Variants in SDK1 observed in about 807,000 individuals in gnomAD.
The protein encoded by SDK1 is protein sidekick-1.
SDK1 carries 157 observed loss-of-function variants against 245.5 expected under a neutral mutation model. The observed-to-expected ratio is 0.64, with a 90% CI of 0.56 to 0.73. SDK1 has a LOEUF of 0.73. Among genes scored for constraint, SDK1 ranks in the 30% least tolerant of loss-of-function variants. SDK1 has a pLI of 0.00. For synonymous variants in SDK1, 1,647 were observed against 1,278.5 expected (o/e 1.29, Z -6.15); for missense variants, 3,583 against 3,002.3 (o/e 1.19, Z -4.52).
At chr7:3,391,468 A>AT (rs146415900) in intron 1 of SDK1, among the ~76,000 whole-genome samples, 20,337 of 149,640 alleles carry the variant, frequency 0.14, 1,748 homozygotes, top group African/African-American at 0.25. Flanking sequence ...TTTGGAAGTG[A>AT]TTTTTTTTTT....
chr7:3,739,315 T>C lies in SDK1; in HGVS notation c.714-82135T>C, dbSNP rs991404316. On this transcript the variant is annotated intron_variant, in intron 4 of 44. Transcript: ENST00000404826. ...TTAGAGTTTTTGAGCTGCTTACATA[T>C]ACAGACCATTGTTTTATATTAAATT... 2.2e-4 allele frequency among the ~76,000 whole-genome samples: 34 copies of C among 152,322 alleles called. 1 individual carries two copies. The highest frequency in any genetic ancestry group is 2.0e-3 in the Admixed American group (31 of 15,304).
chr7:4,189,620 CG>C (rs1270507824), intron 35 of SDK1, among the ~76,000 whole-genome samples: 1 of 152,146 alleles, frequency 6.6e-6, no homozygotes, highest in Non-Finnish European at 1.5e-5. Flanking sequence ...GAGGCCAAGG[CG>C]GGTGGATTAC....
chr7:3,535,531 C>A (rs1026671932), intron 1 of SDK1, among the ~76,000 whole-genome samples: 2 of 152,068 alleles, frequency 1.3e-5, no homozygotes, highest in Non-Finnish European at 2.9e-5. Flanking sequence ...AGTAGTGTGA[C>A]CTTATGCAGG....
At position 3,428,096 on chromosome 7, in the gene SDK1, A is replaced by C. The variant is rs1779727056; in HGVS notation, c.298+126212A>C. ...GTTAATCACTGTGAGACATGGTGGCAGCACAACTATATGCTTTTCTGTCTG... is the reference window on the plus strand; with the variant it reads ...GTTAATCACTGTGAGACATGGTGGCCGCACAACTATATGCTTTTCTGTCTG... On this transcript the variant is annotated intron_variant, in intron 1 of 44. Transcript: ENST00000404826. Among the ~76,000 whole-genome samples, 3 of 152,350 alleles carry C rather than the reference A, an allele frequency of 2.0e-5. No homozygotes were observed. The South Asian group carries it at 6.2e-4, about 32-fold the overall frequency.
chr7:3,769,577 C>A (rs115470210), intron 4 of SDK1, among the ~76,000 whole-genome samples: 1 of 152,218 alleles, frequency 6.6e-6, no homozygotes, highest in African/African-American at 2.4e-5. Flanking sequence ...TTCAATATGA[C>A]TTTCGGAGGG....
chr7:3,764,786 C>T (rs1017638944), intron 4 of SDK1, among the ~76,000 whole-genome samples: 1 of 151,952 alleles, frequency 6.6e-6, no homozygotes, highest in African/African-American at 2.4e-5. Flanking sequence ...AAAAGTAATT[C>T]ATAATGAATA....
chr7:3,451,522 G>C (rs943966988), intron 1 of SDK1, among the ~76,000 whole-genome samples: 2 of 151,410 alleles, frequency 1.3e-5, no homozygotes, highest in Non-Finnish European at 2.9e-5. Flanking sequence ...GCATCAATGT[G>C]ATCAAAATGA....
chr7:3,889,673 A>T (rs1381872572), intron 5 of SDK1, among the ~76,000 whole-genome samples: 1 of 152,036 alleles, frequency 6.6e-6, no homozygotes, highest in Non-Finnish European at 1.5e-5. Flanking sequence ...TCGCCTGGCT[A>T]ATTTTTTTGT....
chr7:3,674,852 A>G (rs911228527), intron 4 of SDK1, among the ~76,000 whole-genome samples: 1 of 152,202 alleles, frequency 6.6e-6, no homozygotes, highest in Admixed American at 6.5e-5. Context: ...GGTAAAGGGC[A>G]TGGCTGGATT....
intron 22 of SDK1, among the ~76,000 whole-genome samples, chr7:4,097,548 A>G (rs546232529): frequency 9.0e-4 from 137 of 152,316 alleles, no homozygotes; most frequent in Non-Finnish European, 1.6e-3. Flanking sequence ...CCCAAGGCCC[A>G]ATAAAGTTTC....
rs538261972 is a variant in SDK1, at chr7:3,351,785, A to T, written c.298+49901A>T. ...AACAAGAAAAATAGCTGAATGCACAATCCTAGTGGGAAGTTAACATACCTT... is the reference window on the plus strand; with the variant it reads ...AACAAGAAAAATAGCTGAATGCACATTCCTAGTGGGAAGTTAACATACCTT... On this transcript the variant is annotated intron_variant, in intron 1 of 44. Coordinates refer to ENST00000404826, the MANE Select transcript of SDK1 (RefSeq NM_152744.4). 6.6e-5 allele frequency among the ~76,000 whole-genome samples: 10 copies of T among 152,326 alleles called. No homozygotes were observed. In the East Asian group the frequency reaches 1.9e-3, roughly 29 times the overall value.
chr7:3,406,500 A>G (rs1779059212), intron 1 of SDK1, among the ~76,000 whole-genome samples: 1 of 152,170 alleles, frequency 6.6e-6, no homozygotes, highest in Non-Finnish European at 1.5e-5. Context: ...GACCTTGTTT[A>G]AATCTTCTCT....
intron 1 of SDK1, among the ~76,000 whole-genome samples, chr7:3,418,145 G>GAAAAAAAAAAAAAAAAAAAAAAA (rs200914826): frequency 8.4e-6 from 1 of 119,724 alleles, no homozygotes; most frequent in African/African-American, 3.9e-5. Flanking sequence ...TACTAAAAAT[G>GAAAAAAAAAAAAAAAAAAAAAAA]AAAAAAAAAA....
chr7:3,780,988 C>T (rs1415658123), intron 4 of SDK1, among the ~76,000 whole-genome samples: 2 of 152,098 alleles, frequency 1.3e-5, no homozygotes, highest in Admixed American at 6.5e-5. Context: ...GAGACTCCCA[C>T]CTTCATGGAT....
intron 1 of SDK1, among the ~76,000 whole-genome samples, chr7:3,417,885 T>C (rs1194613615): frequency 6.6e-6 from 1 of 152,096 alleles, no homozygotes; most frequent in East Asian, 1.9e-4. Flanking sequence ...CAAAGAATAG[T>C]TTTAGTAAGG....
chr7:3,411,686 A>T (rs1433648139), intron 1 of SDK1, among the ~76,000 whole-genome samples: 4 of 152,160 alleles, frequency 2.6e-5, no homozygotes, highest in Admixed American at 2.0e-4. Flanking sequence ...TAATGCAGCA[A>T]TTTCTCTTAT....
chr7:3,561,941 C>T (rs932438952), intron 1 of SDK1, among the ~76,000 whole-genome samples: 8 of 152,268 alleles, frequency 5.3e-5, no homozygotes, highest in African/African-American at 1.9e-4. Flanking sequence ...CTTTCATTTT[C>T]TTGTTAAAAT....
At chr7:3,463,842 T>C (rs1780907908) in intron 1 of SDK1, among the ~76,000 whole-genome samples, 1 of 152,136 alleles carries the variant, frequency 6.6e-6, no homozygotes, top group African/African-American at 2.4e-5. Flanking sequence ...TCTAATGCAA[T>C]GGTGACTTTG....
intron 4 of SDK1, among the ~76,000 whole-genome samples, chr7:3,692,667 C>T (rs1784467588): frequency 2.0e-5 from 3 of 151,828 alleles, no homozygotes; most frequent in Admixed American, 6.6e-5. Context: ...ATTGGAATTA[C>T]TTGGTCAAAG....
Sources: allele counts gnomAD v4.1 joint callset (sites outside exome capture counted in the v4.1 genomes callset), GRCh38; gene constraint gnomAD v4.1.1; transcripts MANE v1.5; gene names NCBI Gene and HGNC (gene_info 2026-07-23, HGNC 2026-07-21).